GATA3: variants seen among roughly 807,000 people sequenced by gnomAD.
GATA3 encodes the protein GATA binding protein 3, also known as trans-acting T-cell-specific transcription factor GATA-3.
Under a neutral mutation model 36.0 loss-of-function variants are expected in GATA3, and 6 were observed. The ratio of observed to expected loss-of-function variants is 0.17; its 90% CI spans 0.09 to 0.33. The LOEUF is 0.33. Ranked by LOEUF, GATA3 falls within the 10% of genes least tolerant of loss-of-function variation. GATA3 has a pLI of 1.00. For synonymous variants in GATA3, 326 were observed against 273.0 expected, an observed-to-expected ratio of 1.19 and a Z score of -1.92; for missense variants, 514 against 610.1, an observed-to-expected ratio of 0.84 and a Z score of 1.66.
chr10:8,070,177 G>A (rs1229372114), intron 5 of GATA3, among the ~76,000 whole-genome samples: 2 of 152,150 alleles, frequency 1.3e-5, no homozygotes, highest in Non-Finnish European at 2.9e-5. Flanking sequence ...CAACTTTCAC[G>A]TGTAGAGAGC....
chr10:8,054,076 C>T (rs1832568920), upstream of GATA3, among the ~76,000 whole-genome samples: 1 of 152,182 alleles, frequency 6.6e-6, no homozygotes, highest in South Asian at 2.1e-4. The surrounding 1 kb of genome is among the most constrained non-coding windows in gnomAD (Gnocchi z 4.2). Context: ...GCGGACGCTC[C>T]AGTCAAAGGC....
intron 5 of GATA3, among the ~76,000 whole-genome samples, chr10:8,071,752 C>T (rs545115330): frequency 2.2e-4 from 33 of 152,260 alleles, no homozygotes; most frequent in African/African-American, 5.5e-4. Context: ...CATCACGTTG[C>T]GTTTTGCTCT....
intron 1 of GATA3, among the ~76,000 whole-genome samples, chr10:8,047,071 C>G (rs1832400565): frequency 6.6e-6 from 1 of 152,200 alleles, no homozygotes; most frequent in African/African-American, 2.4e-5. Flanking sequence ...TTGACATTTA[C>G]ACCCTGCCTT....
chr10:8,072,683 T>G (rs1832949390), intron 5 of GATA3, among the ~76,000 whole-genome samples: 2 of 152,202 alleles, frequency 1.3e-5, no homozygotes. Context: ...ACATTCTTGG[T>G]CTTTCCTTTT....
chr10:8,065,995 A>G (rs1313760266), intron 4 of GATA3, among the ~76,000 whole-genome samples: 3 of 146,716 alleles, frequency 2.0e-5, no homozygotes, highest in Non-Finnish European at 4.5e-5. Context: ...AGAGAGAGAG[A>G]GAGGAAAAAA....
chr10:8,057,787 T>C (rs938652515), intron 2 of GATA3, among the ~76,000 whole-genome samples: 1 of 152,130 alleles, frequency 6.6e-6, no homozygotes, highest in African/African-American at 2.4e-5. Context: ...TGGGCCTGAC[T>C]CCAGGGTCGT....
At chr10:8,056,975 G>A (rs1832650682) in intron 2 of GATA3, among the ~76,000 whole-genome samples, 1 of 152,160 alleles carries the variant, frequency 6.6e-6, no homozygotes, top group Non-Finnish European at 1.5e-5. Context: ...GCCTTGACAC[G>A]GATGACATAG....
chr10:8,069,392 T>C (rs112358279), intron 4 of GATA3, 81 bp from the exon 5 acceptor site: 1 of 1,376,658 alleles, frequency 7.3e-7, no homozygotes, highest in Non-Finnish European at 1.0e-6. Context: ...CTTTTTTTTT[T>C]TTTCAAGCCT....
At chr10:8,066,605 T>C (rs1795702684) in intron 4 of GATA3, among the ~76,000 whole-genome samples, 1 of 152,206 alleles carries the variant, frequency 6.6e-6, no homozygotes, top group African/African-American at 2.4e-5. Context: ...CCAGCCCATA[T>C]ATAGCTAGCT....
chr10:8,051,399 CG>C (rs1832489584), upstream of GATA3: 2 of 226,554 alleles, frequency 8.8e-6, no homozygotes, highest in African/African-American at 4.8e-5. Context: ...GCCGCGCCGT[CG>C]CCTGCTCGGC....
chr10:8,064,265 AC>A, intron 4 of GATA3, 127 bp downstream of exon 4: 3 of 995,078 alleles, frequency 3.0e-6, no homozygotes, highest in East Asian at 2.7e-5. Context: ...CTGGCTTGGG[AC>A]AGTTTTTTTT....
chr10:8,049,585 G>A (rs930480120), upstream of GATA3, among the ~76,000 whole-genome samples: 1 of 152,150 alleles, frequency 6.6e-6, no homozygotes, highest in Admixed American at 6.5e-5. Flanking sequence ...CGCAGCCGGG[G>A]CCAGCGGCGG....
chr10:8,057,877 G>A (rs1224452411), intron 2 of GATA3, among the ~76,000 whole-genome samples: 1 of 152,126 alleles, frequency 6.6e-6, no homozygotes, highest in South Asian at 2.1e-4. Context: ...TATCAGGCTG[G>A]CTGGGATTAA....
At chr10:8,064,792 A>ACAC (rs1426376422) in intron 4 of GATA3, among the ~76,000 whole-genome samples, 1 of 152,218 alleles carries the variant, frequency 6.6e-6, no homozygotes, top group Non-Finnish European at 1.5e-5. Flanking sequence ...GAGTCCTCTC[A>ACAC]TACCTGGCAT....
chr10:8,064,567 G>A (rs146978433), intron 4 of GATA3, among the ~76,000 whole-genome samples: 1 of 152,248 alleles, frequency 6.6e-6, no homozygotes, highest in East Asian at 1.9e-4. Context: ...ATCCAGAATG[G>A]GTTCCTGAAG....
In GATA3 at chr10:8,074,034, G is replaced by T. The variant is rs750390835; in HGVS notation, c.*11G>T. The T allele has an allele frequency of 1.2e-6, 2 of 1,613,546 alleles. No homozygotes were observed. Among genetic ancestry groups the T allele is most frequent in the Non-Finnish European group, 8.5e-7 (1 of 1,179,702 alleles). On this transcript the variant is annotated 3_prime_UTR_variant, in exon 6 of 6. Transcript: ENST00000379328. ...ACCGCCATGGGTTAGAGCCCTGCTC[G>T]ATGCTCACAGGGCCCCCAGCGAGAG...
At chr10:8,070,612 G>T (rs1297714293) in intron 5 of GATA3, among the ~76,000 whole-genome samples, 1 of 152,138 alleles carries the variant, frequency 6.6e-6, no homozygotes, top group Non-Finnish European at 1.5e-5. Flanking sequence ...GCTTGCGGCG[G>T]TTCTGGCAAT....
chr10:8,055,803 C>T lies in GATA3; in HGVS notation c.148C>T (p.Leu50Phe), dbSNP rs775745771. 2 of 1,593,502 alleles carry T rather than the reference C, an allele frequency of 1.3e-6. No individual in the cohort carries two copies. Among genetic ancestry groups the T allele is most frequent in the Non-Finnish European group, 8.5e-7 (1 of 1,170,152 alleles). The change falls in exon 2 of 6, where the codon CTT becomes TTT. Residue 50 changes from leucine to phenylalanine, a missense_variant. By Grantham distance (22) the Leu-to-Phe change is conservative. Transcript: ENST00000379328. This position sits in a 1 kb window ranked among gnomAD's most constrained non-coding sequence, Gnocchi z 5.4. ...QYPLPEEVDV[L>F]FNIDGQGNHV... is the part of the protein sequence containing the mutation. ...CCCGCTGCCGGAGGAGGTGGATGTG[C>T]TTTTTAACATCGACGGTCAAGGCAA...
At chr10:8,053,364 G>A (rs1326491211), upstream of GATA3, 1 of 152,234 alleles carries the variant, frequency 6.6e-6, no homozygotes, top group Non-Finnish European at 1.5e-5. This position sits in a 1 kb window ranked among gnomAD's most constrained non-coding sequence, Gnocchi z 5.1. Flanking sequence ...ATTGCCCTGG[G>A]GGCGAGCAGA....
Sources: allele counts gnomAD v4.1 joint callset (sites outside exome capture counted in the v4.1 genomes callset), GRCh38; gene constraint gnomAD v4.1.1; non-coding constraint Gnocchi (gnomAD v3.1); transcripts MANE v1.5; gene names NCBI Gene and HGNC (gene_info 2026-07-23, HGNC 2026-07-21).